The following NME8 variants were observed in gnomAD, a reference collection of about 807,000 sequenced individuals.
NME8 encodes the protein protein NME8.
A neutral mutation model predicts 82.3 loss-of-function variants in NME8; 72 were observed. That is an observed-to-expected ratio of 0.87 (90% confidence interval 0.72 to 1.06). The LOEUF (loss-of-function observed/expected upper bound fraction) is 1.06, where lower values mean the gene tolerates loss of function less well. NME8 is among the 50% of genes least tolerant of loss of function. NME8 has a pLI of 0.00. For missense variants in NME8, 712 were observed against 685.4 expected (o/e 1.04, Z -0.43); for synonymous variants, 267 against 228.5 (o/e 1.17, Z -1.52).
chr7:37,895,798 A>G lies in NME8; in HGVS notation c.1545-1072A>G, dbSNP rs375511789. 5.9e-5 allele frequency among the ~76,000 whole-genome samples: 9 copies of G among 152,276 alleles called. No individual in the cohort carries two copies. In the South Asian group the frequency reaches 1.9e-3, roughly 32 times the overall value. On this transcript the variant is annotated intron_variant, in intron 16 of 17. Coordinates refer to ENST00000199447, the MANE Select transcript of NME8 (RefSeq NM_016616.5). ...CATTTGTGTTCATATATGTTTAGATACACAAATAACACTGTATTACAGTTG... is the reference window on the plus strand; with the variant it reads ...CATTTGTGTTCATATATGTTTAGATGCACAAATAACACTGTATTACAGTTG...
chr7:37,851,825 T>C (rs567541769), intron 5 of NME8, among the ~76,000 whole-genome samples: 78 of 152,166 alleles, frequency 5.1e-4, no homozygotes, highest in Non-Finnish European at 1.0e-3. Flanking sequence ...AAATACATAG[T>C]TCCTAATGCA....
chr7:37,864,287 T>G (rs1784641050), intron 8 of NME8, 61 bp from the exon 9 acceptor site: 5 of 1,538,584 alleles, frequency 3.2e-6, no homozygotes, highest in Non-Finnish European at 4.4e-6. Context: ...GCCAGATCCT[T>G]CATTATCCAG....
intron 15 of NME8, among the ~76,000 whole-genome samples, chr7:37,888,965 A>G (rs540443850): frequency 2.0e-5 from 3 of 152,140 alleles, no homozygotes; most frequent in African/African-American, 7.2e-5. Flanking sequence ...ATACTTCATA[A>G]GGAATGTGAA....
intron 12 of NME8, among the ~76,000 whole-genome samples, chr7:37,878,385 T>C (rs1369679126): frequency 6.6e-6 from 1 of 152,204 alleles, no homozygotes; most frequent in Non-Finnish European, 1.5e-5. Flanking sequence ...TGTGTCTATA[T>C]TCAGGAGGGA....
chr7:37,864,300 T>G, intron 8 of NME8, 48 bp from the exon 9 acceptor site: 5 of 1,557,482 alleles, frequency 3.2e-6, no homozygotes, highest in Non-Finnish European at 4.4e-6. Context: ...TTATCCAGAC[T>G]TCGTGCCAAG....
At chr7:37,882,651 A>AAG (rs1347940684) in intron 12 of NME8, among the ~76,000 whole-genome samples, 1 of 145,950 alleles carries the variant, frequency 6.9e-6, no homozygotes, top group Non-Finnish European at 1.5e-5. Flanking sequence ...AAGAGAAAGA[A>AAG]AGAAAGAGAA....
chr7:37,882,347 C>T (rs1024873917), intron 12 of NME8, among the ~76,000 whole-genome samples: 12 of 151,678 alleles, frequency 7.9e-5, no homozygotes, highest in Admixed American at 2.6e-4. Context: ...CGTAGCCGGG[C>T]GTGGTGGCCC....
chr7:37,849,123 T>C (rs1784402055), intron 2 of NME8, 67 bp downstream of exon 2: 1 of 152,376 alleles, frequency 6.6e-6, no homozygotes, highest in Admixed American at 6.5e-5. Context: ...TTTCCTTTGT[T>C]GTACGCTAGC....
chr7:37,884,477 G>T, intron 13 of NME8, 30 bp downstream of exon 13: 8 of 1,594,478 alleles, frequency 5.0e-6, no homozygotes, highest in Non-Finnish European at 6.9e-6. Flanking sequence ...AATTCAGTCT[G>T]ATTTATTTTT....
intron 11 of NME8, among the ~76,000 whole-genome samples, chr7:37,874,247 TTATAA>T (rs1784814480): frequency 6.6e-6 from 1 of 152,164 alleles, no homozygotes; most frequent in African/African-American, 2.4e-5. Flanking sequence ...ATTCTGGGTT[TTATAA>T]TATAACAGCT....
chr7:37,898,716 A>G (rs1785268759), intron 17 of NME8, among the ~76,000 whole-genome samples: 1 of 152,212 alleles, frequency 6.6e-6, no homozygotes, highest in African/African-American at 2.4e-5. Flanking sequence ...AGGAAGGGTG[A>G]AATTGTAAGT....
At chr7:37,879,688 G>A (rs1784912326) in intron 12 of NME8, among the ~76,000 whole-genome samples, 1 of 152,168 alleles carries the variant, frequency 6.6e-6, no homozygotes. Context: ...GTGGATGTCA[G>A]TTTTCATTTT....
intron 15 of NME8, among the ~76,000 whole-genome samples, chr7:37,893,716 T>C (rs1785171455): frequency 6.6e-6 from 1 of 152,196 alleles, no homozygotes; most frequent in Non-Finnish European, 1.5e-5. Context: ...ATAATAATGA[T>C]CACTTTCTCA....
intron 12 of NME8, among the ~76,000 whole-genome samples, chr7:37,877,622 C>T (rs562020668): frequency 6.6e-6 from 1 of 152,248 alleles, no homozygotes; most frequent in South Asian, 2.1e-4. Context: ...GGAGCTTTGA[C>T]GTAGTTTCCT....
chr7:37,856,265 G>A (rs936429563), intron 5 of NME8, among the ~76,000 whole-genome samples: 1 of 152,208 alleles, frequency 6.6e-6, no homozygotes, highest in African/African-American at 2.4e-5. Context: ...AATCTCCAAT[G>A]TGGTGATATT....
rs1785010165 is a variant in NME8, at chr7:37,884,417, A to G, written c.1109A>G (p.Tyr370Cys). ...TGCAAGGAATATGAAAATGAAGACT[A>G]TTTTAATAAACTTATAGAAAACATG... ...ALCKEYENED[Y>C]FNKLIENMTS... The change falls in exon 13 of 18, where the codon TAT becomes TGT. Residue 370 changes from tyrosine to cysteine, a missense_variant. Tyr to Cys is a radical substitution (Grantham distance 194, BLOSUM62 -2). Coordinates refer to ENST00000199447, the MANE Select transcript of NME8 (RefSeq NM_016616.5). The G allele has an allele frequency of 6.2e-7, 1 of 1,611,470 alleles. No individual in the cohort carries two copies. Among genetic ancestry groups the G allele is most frequent in the African/African-American group, 1.3e-5 (1 of 74,876 alleles).
rs551877591 is a variant in NME8, at chr7:37,881,135, G to A, written c.995-3168G>A. Among the ~76,000 whole-genome samples the A allele has an allele frequency of 1.6e-4, 24 of 152,236 alleles. No individual in the cohort carries two copies. In the South Asian group the frequency reaches 4.8e-3, roughly 30 times the overall value. The stretch of plus-strand genomic sequence containing the variant: ...AGTTTCATTTCCTCATTCTGAATCA[G>A]TATACCTTTTATTTCCTTTTCTTGT... On this transcript the variant is annotated intron_variant, in intron 12 of 17. Coordinates refer to ENST00000199447, the MANE Select transcript of NME8 (RefSeq NM_016616.5).
At chr7:37,884,277 C>A in intron 12 of NME8, 26 bp from the exon 13 acceptor site, 1 of 1,468,980 alleles carries the variant, frequency 6.8e-7, no homozygotes, top group Non-Finnish European at 9.5e-7. Context: ...CAGTTTAAAA[C>A]TTATTATGTA....
At chr7:37,867,064 G>A (rs868595091) in intron 10 of NME8, among the ~76,000 whole-genome samples, 6 of 152,234 alleles carry the variant, frequency 3.9e-5, no homozygotes, top group African/African-American at 7.2e-5. Context: ...GTGAATCTGC[G>A]TTTTTACATA....
Sources: gnomAD v4.1 joint callset for allele counts (sites outside exome capture counted in the v4.1 genomes callset) on GRCh38, gnomAD v4.1.1 for gene constraint, MANE v1.5 for transcripts, NCBI Gene and HGNC (gene_info 2026-07-23, HGNC 2026-07-21) for gene names.